Variants in IL23R observed in about 807,000 individuals in gnomAD.
The protein encoded by IL23R is interleukin 23 receptor.
In IL23R, 34 loss-of-function variants were observed where a neutral mutation model predicts 56.9. That is an observed-to-expected ratio of 0.60 (90% confidence interval 0.45 to 0.80). The LOEUF (loss-of-function observed/expected upper bound fraction) is 0.80. IL23R is among the 30% of genes least tolerant of loss of function. The probability of loss-of-function intolerance (pLI) is 0.00; values close to 1 mark genes in which losing one functional copy is unlikely to be tolerated. For missense variants in IL23R, 635 were observed against 730.0 expected (o/e 0.87, Z 1.50); for synonymous variants, 230 against 249.2 (o/e 0.92, Z 0.73).
chr1:67,209,069 T>C (rs868501743), intron 6 of IL23R, among the ~76,000 whole-genome samples: 1 of 152,196 alleles, frequency 6.6e-6, no homozygotes, highest in Non-Finnish European at 1.5e-5. Context: ...TGGACTTGCA[T>C]GGGCGCTGTA....
intron 5 of IL23R, among the ~76,000 whole-genome samples, chr1:67,206,048 C>T (rs1347639993): frequency 4.6e-5 from 7 of 151,020 alleles, no homozygotes; most frequent in Middle Eastern, 3.4e-3. Context: ...AGTCTCGCTC[C>T]GCCACCCAGG....
chr1:67,211,565 A>G (rs983603784), intron 6 of IL23R, among the ~76,000 whole-genome samples: 4 of 152,008 alleles, frequency 2.6e-5, no homozygotes, highest in Non-Finnish European at 5.9e-5. Flanking sequence ...GGAGGTTGCA[A>G]TGAGCCAAGA....
intron 9 of IL23R, among the ~76,000 whole-genome samples, chr1:67,242,189 T>C (rs1651897596): frequency 6.6e-6 from 1 of 152,338 alleles, no homozygotes; most frequent in East Asian, 1.9e-4. Context: ...GGCAATGTTC[T>C]CTTTAGCCCA....
At chr1:67,148,500 T>C (rs1646701859) in intron 1 of IL23R, among the ~76,000 whole-genome samples, 1 of 152,250 alleles carries the variant, frequency 6.6e-6, no homozygotes. Context: ...GAGCCCTCTT[T>C]ACTACCTGAT....
At chr1:67,232,597 G>A (rs980757643) in intron 7 of IL23R, among the ~76,000 whole-genome samples, 6 of 152,090 alleles carry the variant, frequency 3.9e-5, no homozygotes, top group East Asian at 3.9e-4. Flanking sequence ...TTCCTTATCC[G>A]TATAATGAGG....
intron 3 of IL23R, among the ~76,000 whole-genome samples, chr1:67,179,879 T>C (rs1553284899): frequency 2.6e-5 from 4 of 152,096 alleles, no homozygotes; most frequent in Admixed American, 1.3e-4. Context: ...GTTATGTACC[T>C]AGTAGTCATT....
At chr1:67,251,872 A>T (rs1416502326) in intron 9 of IL23R, among the ~76,000 whole-genome samples, 2 of 152,218 alleles carry the variant, frequency 1.3e-5, no homozygotes, top group African/African-American at 4.8e-5. Context: ...AAAGCTTTTA[A>T]CTACTCAACT....
At chr1:67,214,740 G>T (rs1278591300) in intron 6 of IL23R, among the ~76,000 whole-genome samples, 1 of 152,058 alleles carries the variant, frequency 6.6e-6, no homozygotes, top group Non-Finnish European at 1.5e-5. Context: ...CTACTGCTAC[G>T]ATTGAGGGAA....
intron 7 of IL23R, 91 bp downstream of exon 7, chr1:67,219,821 T>A: frequency 8.0e-7 from 1 of 1,248,708 alleles, no homozygotes; most frequent in Non-Finnish European, 1.2e-6. Context: ...ATTCCAGCAC[T>A]TTGAGAGGCC....
At chr1:67,262,602 C>T (rs575097958), downstream of IL23R, among the ~76,000 whole-genome samples, 12 of 152,270 alleles carry the variant, frequency 7.9e-5, no homozygotes, top group African/African-American at 2.9e-4. Flanking sequence ...GATTATCTTC[C>T]ACCCTGACCA....
At chr1:67,234,896 TG>T (rs1480965130) in intron 7 of IL23R, among the ~76,000 whole-genome samples, 1 of 151,790 alleles carries the variant, frequency 6.6e-6, no homozygotes, top group African/African-American at 2.4e-5. Context: ...TTAGTAGAGA[TG>T]GGGTTTCACC....
At chr1:67,257,166 G>T (rs1652995894) in intron 10 of IL23R, among the ~76,000 whole-genome samples, 1 of 152,182 alleles carries the variant, frequency 6.6e-6, no homozygotes. Flanking sequence ...TGGAATTAGA[G>T]GCAAACCTTA....
At chr1:67,176,667 G>C (rs1465227375) in intron 3 of IL23R, among the ~76,000 whole-genome samples, 4 of 151,914 alleles carry the variant, frequency 2.6e-5, no homozygotes, top group Non-Finnish European at 4.4e-5. Context: ...GAAGTTTTAG[G>C]GTACATGTGC....
At chr1:67,178,455 T>C (rs1366237265) in intron 3 of IL23R, among the ~76,000 whole-genome samples, 1 of 152,238 alleles carries the variant, frequency 6.6e-6, no homozygotes, top group Non-Finnish European at 1.5e-5. Context: ...TTGTGATTTT[T>C]GCACATTGAT....
At chr1:67,247,700 T>C (rs1652331885) in intron 9 of IL23R, among the ~76,000 whole-genome samples, 1 of 152,224 alleles carries the variant, frequency 6.6e-6, no homozygotes, top group South Asian at 2.1e-4. Flanking sequence ...TGATGCGGTT[T>C]CTTCATAGTG....
intron 1 of IL23R, among the ~76,000 whole-genome samples, chr1:67,147,651 G>C (rs1646691538): frequency 6.6e-6 from 1 of 151,976 alleles, no homozygotes; most frequent in African/African-American, 2.4e-5. Flanking sequence ...AGTGAGCCGA[G>C]ATCATGCATG....
At chr1:67,151,441 A>C (rs990689870) in intron 1 of IL23R, among the ~76,000 whole-genome samples, 61 of 152,068 alleles carry the variant, frequency 4.0e-4, no homozygotes, top group African/African-American at 1.4e-3. Context: ...TGTGCAGAAG[A>C]TCTTTAGTTT....
At chr1:67,166,712 A>G (rs536035801) in intron 1 of IL23R, among the ~76,000 whole-genome samples, 171 bp downstream of exon 1, 1 of 152,330 alleles carries the variant, frequency 6.6e-6, no homozygotes, top group African/African-American at 2.4e-5. Flanking sequence ...AATAATAATT[A>G]TTGCATATTT....
chr1:67,140,934 C>T (rs1358581411), intron 1 of IL23R, among the ~76,000 whole-genome samples: 1 of 152,086 alleles, frequency 6.6e-6, no homozygotes. Context: ...TAGTAAATGG[C>T]AGATTCAGAA....
Sources: gnomAD v4.1 joint callset for allele counts (sites outside exome capture counted in the v4.1 genomes callset) on GRCh38, gnomAD v4.1.1 for gene constraint, MANE v1.5 for transcripts, NCBI Gene and HGNC (gene_info 2026-07-23, HGNC 2026-07-21) for gene names.